The following CDIN1 variants were observed in gnomAD, a reference collection of about 807,000 sequenced individuals.
CDIN1 encodes the protein CDAN1-interacting nuclease 1.
Under a neutral mutation model 45.3 loss-of-function variants are expected in CDIN1, and 33 were observed. The ratio of observed to expected loss-of-function variants is 0.73; its 90% CI spans 0.55 to 0.97. The LOEUF is 0.97. Among genes scored for constraint, CDIN1 ranks in the 50% least tolerant of loss-of-function variants. CDIN1 has a pLI of 0.00. For missense variants in CDIN1, 303 were observed against 339.4 expected, an observed-to-expected ratio of 0.89 and a Z score of 0.84; for synonymous variants, 118 against 124.4, an observed-to-expected ratio of 0.95 and a Z score of 0.34.
At chr15:36,756,182 T>C in intron 10 of CDIN1, 1 of 454,256 alleles carries the variant, frequency 2.2e-6, no homozygotes. Flanking sequence ...TGAAGAGAAC[T>C]GTAATTATCT....
intron 1 of CDIN1, 96 bp downstream of exon 1, chr15:36,580,057 G>A (rs2140143553): frequency 2.8e-6 from 3 of 1,063,978 alleles, no homozygotes; most frequent in African/African-American, 3.2e-5. Flanking sequence ...TCACACATGA[G>A]TGGGGAGGAA....
At chr15:36,734,880 G>T (rs1286313800) in intron 10 of CDIN1, among the ~76,000 whole-genome samples, 1 of 152,034 alleles carries the variant, frequency 6.6e-6, no homozygotes, top group Non-Finnish European at 1.5e-5. Context: ...GTACTTAAAG[G>T]CCTTATTAAA....
chr15:36,734,942 C>CAT (rs2043963844), intron 10 of CDIN1, among the ~76,000 whole-genome samples: 1 of 152,308 alleles, frequency 6.6e-6, no homozygotes, highest in African/African-American at 2.4e-5. Context: ...ACACTAGATA[C>CAT]ATAGTACAGG....
intron 9 of CDIN1, 73 bp from the exon 10 acceptor site, chr15:36,709,783 A>T (rs960655452): frequency 1.8e-6 from 2 of 1,096,880 alleles, no homozygotes; most frequent in East Asian, 4.7e-5. Context: ...AAGCATAGAG[A>T]GGCCTGTACA....
chr15:36,614,403 G>A (rs2038790187), intron 1 of CDIN1, among the ~76,000 whole-genome samples: 1 of 152,176 alleles, frequency 6.6e-6, no homozygotes, highest in African/African-American at 2.4e-5. Flanking sequence ...GCTAGAGGCT[G>A]AGCACCTTTG....
At chr15:36,657,958 A>C in intron 5 of CDIN1, 53 bp downstream of exon 5, 1 of 1,438,508 alleles carries the variant, frequency 7.0e-7, no homozygotes, top group Non-Finnish European at 9.6e-7. Flanking sequence ...CCCCAATTTA[A>C]AAATAATTTA....
Position 36,594,981 on chromosome 15 carries a change from T to A in CDIN1, c.101+15020T>A, listed in dbSNP as rs113006905. On this transcript the variant is annotated intron_variant, in intron 1 of 10. Coordinates refer to ENST00000566621, the MANE Select transcript of CDIN1 (RefSeq NM_001321759.2). ...AGTAAAAGGTATGACTGTGCTTTTA[T>A]TTATTTTCTGTTCCATAGATAAGCT... 4.5e-6 allele frequency: 4 copies of A among 892,788 alleles called. No homozygotes were observed. In the African/African-American group the frequency reaches 7.2e-5, roughly 16 times the overall value. 55.3% of individuals were successfully genotyped at this position (892,788 alleles called of 1,614,324 possible).
At chr15:36,616,930 A>AATAT (rs568046719) in intron 1 of CDIN1, among the ~76,000 whole-genome samples, 2 of 151,288 alleles carry the variant, frequency 1.3e-5, no homozygotes, top group Admixed American at 1.3e-4. Context: ...GTGTCAAAAA[A>AATAT]ATATATATAT....
chr15:36,797,572 T>G (rs1362293504), intron 10 of CDIN1, among the ~76,000 whole-genome samples: 1 of 152,192 alleles, frequency 6.6e-6, no homozygotes, highest in Non-Finnish European at 1.5e-5. Flanking sequence ...CATCTCCCCC[T>G]TAATATCCTA....
chr15:36,740,670 C>T (rs1823597639), intron 10 of CDIN1, among the ~76,000 whole-genome samples: 1 of 152,150 alleles, frequency 6.6e-6, no homozygotes, highest in African/African-American at 2.4e-5. Flanking sequence ...AGGTGGATCA[C>T]CCGAGGTCGG....
At chr15:36,642,143 A>G (rs924960214) in intron 1 of CDIN1, among the ~76,000 whole-genome samples, 10 of 152,140 alleles carry the variant, frequency 6.6e-5, no homozygotes, top group African/African-American at 2.2e-4. Context: ...GTCCCTTCTC[A>G]GCATTAACAC....
At chr15:36,729,875 G>A (rs2043777082) in intron 10 of CDIN1, among the ~76,000 whole-genome samples, 1 of 152,140 alleles carries the variant, frequency 6.6e-6, no homozygotes, top group Non-Finnish European at 1.5e-5. Context: ...CAAAACTAAT[G>A]CTATCTGAAG....
rs1247612403 is a variant in CDIN1 at position 36,579,692 on chromosome 15, C to T, written c.-169C>T. 3.5e-6 allele frequency: 2 copies of T among 578,826 alleles called. No individual in the cohort carries two copies. The highest frequency in any genetic ancestry group is 6.1e-6 in the Non-Finnish European group (2 of 329,542). 35.9% of individuals were successfully genotyped at this position (578,826 alleles called of 1,614,324 possible). A position where few individuals can be genotyped will look rare whatever the true frequency, so the allele number is the denominator to read the frequency against. On this transcript the variant is annotated 5_prime_UTR_variant, in exon 1 of 11. Coordinates refer to ENST00000566621, the MANE Select transcript of CDIN1 (RefSeq NM_001321759.2). The stretch of plus-strand genomic sequence containing the variant: ...GAGCCTGGGACCGGGCGAGTCTCCG[C>T]CCCGCTTTTGCAGCTAGGGGTGTGT...
chr15:36,652,040 T>C (rs1253441416), intron 3 of CDIN1, among the ~76,000 whole-genome samples: 2 of 152,250 alleles, frequency 1.3e-5, no homozygotes, highest in East Asian at 3.8e-4. Context: ...TGCTACTCTT[T>C]CACTGTTTGC....
chr15:36,683,907 T>G (rs2041947692), intron 5 of CDIN1, among the ~76,000 whole-genome samples: 1 of 134,914 alleles, frequency 7.4e-6, no homozygotes, highest in African/African-American at 2.7e-5. Context: ...ATGCTTGTGA[T>G]TTTTGTACAT....
chr15:36,721,484 A>G (rs947647338), intron 10 of CDIN1, among the ~76,000 whole-genome samples: 2 of 152,158 alleles, frequency 1.3e-5, no homozygotes, highest in South Asian at 2.1e-4. Flanking sequence ...AGAAATTTTC[A>G]GATATCTTTC....
At chr15:36,718,112 C>T (rs990090517) in intron 10 of CDIN1, among the ~76,000 whole-genome samples, 1 of 151,816 alleles carries the variant, frequency 6.6e-6, no homozygotes, top group East Asian at 1.9e-4. Flanking sequence ...GTTCTAGAAC[C>T]CTTTTTTGAG....
At chr15:36,595,605 C>A (rs1235634508) in intron 1 of CDIN1, among the ~76,000 whole-genome samples, 1 of 148,786 alleles carries the variant, frequency 6.7e-6, no homozygotes, top group African/African-American at 2.5e-5. Flanking sequence ...ATGGAAAGAA[C>A]TTCTACTCTT....
intron 5 of CDIN1, among the ~76,000 whole-genome samples, chr15:36,671,480 G>A (rs1422409997): frequency 6.6e-6 from 1 of 151,946 alleles, no homozygotes; most frequent in Non-Finnish European, 1.5e-5. Context: ...TTGTGTGTGT[G>A]TTTCTCTTTT....
Sources: allele counts gnomAD v4.1 joint callset (sites outside exome capture counted in the v4.1 genomes callset), GRCh38; gene constraint gnomAD v4.1.1; transcripts MANE v1.5; gene names NCBI Gene and HGNC (gene_info 2026-07-23, HGNC 2026-07-21).